Variants in SUMF1 observed in about 807,000 individuals in gnomAD.
SUMF1 encodes sulfatase modifying factor 1.
A neutral mutation model predicts 47.6 loss-of-function variants in SUMF1; 48 were observed. That is an observed-to-expected ratio of 1.01 (90% CI 0.80 to 1.28). The LOEUF (loss-of-function observed/expected upper bound fraction) is 1.28. Ranked by LOEUF, SUMF1 falls within the 50% of genes most tolerant of loss-of-function variation. The probability of loss-of-function intolerance (pLI) is 0.00; values close to 1 mark genes in which losing one functional copy is unlikely to be tolerated. For missense variants in SUMF1, 571 were observed against 485.4 expected (o/e 1.18, Z -1.66); for synonymous variants, 230 against 192.1 (o/e 1.20, Z -1.63).
intron 8 of SUMF1, among the ~76,000 whole-genome samples, chr3:4,273,179 G>A (rs1056327216): frequency 6.0e-5 from 9 of 150,792 alleles, no homozygotes; most frequent in African/African-American, 2.2e-4. Context: ...CTCCTAGATG[G>A]AAGAGAAGTA....
intron 8 of SUMF1, chr3:4,312,818 G>T (rs1268058267): frequency 8.0e-6 from 12 of 1,493,418 alleles, no homozygotes; most frequent in African/African-American, 1.4e-5. Context: ...ATTAGAATGG[G>T]TCCCAGTCAG....
rs2633854 is a variant in SUMF1, at chr3:4,362,949, G to C, written c.1015-695C>G. ...AAAAAAAACAGTTAAAATGAAAAAG[G>C]CAGAATATAAAGGTGTATATGTGGT... On this transcript the variant is annotated intron_variant, in intron 8 of 8. Transcript: ENST00000272902. Among the ~76,000 whole-genome samples, 3 of 152,008 alleles carry C rather than the reference G, an allele frequency of 2.0e-5. No individual in the cohort carries two copies. In the East Asian group the frequency reaches 5.8e-4, roughly 29 times the overall value.
intron 8 of SUMF1, among the ~76,000 whole-genome samples, chr3:4,104,076 C>T (rs1310787395): frequency 1.3e-5 from 2 of 152,094 alleles, no homozygotes; most frequent in African/African-American, 2.4e-5. Context: ...TTTTCTGTGT[C>T]CCCACCCAAA....
In SUMF1 at chr3:4,398,246, G is replaced by A. The variant is rs1391150048; in HGVS notation, c.954+12619C>T. Among the ~76,000 whole-genome samples, 4 of 152,166 alleles carry A rather than the reference G, an allele frequency of 2.6e-5. No individual in the cohort carries two copies. The South Asian group carries it at 8.3e-4, about 32-fold the overall frequency. On this transcript the variant is annotated intron_variant, in intron 7 of 8. Coordinates refer to ENST00000272902, the MANE Select transcript of SUMF1 (RefSeq NM_182760.4). ...GCAAGCTCCTTAAGAAAAGAGGATT[G>A]TGTCTGTTAGATTCCCAGAACCCAG...
chr3:4,235,728 G>C (rs1042492647), intron 8 of SUMF1, among the ~76,000 whole-genome samples: 1 of 151,908 alleles, frequency 6.6e-6, no homozygotes, highest in Non-Finnish European at 1.5e-5. Flanking sequence ...TGGAAGGTTG[G>C]GACAAGGAGT....
At chr3:4,076,072 G>A (rs543414001) in intron 8 of SUMF1, among the ~76,000 whole-genome samples, 1 of 152,160 alleles carries the variant, frequency 6.6e-6, no homozygotes, top group Admixed American at 6.5e-5. Flanking sequence ...GAGGCATCAT[G>A]CTACCTGACT....
intron 8 of SUMF1, among the ~76,000 whole-genome samples, chr3:4,100,145 C>T (rs969272486): frequency 6.6e-6 from 1 of 151,104 alleles, no homozygotes; most frequent in Non-Finnish European, 1.5e-5. Context: ...AATGCAATCC[C>T]TATCAAAATT....
chr3:4,375,798 T>C (rs143289508), intron 8 of SUMF1, among the ~76,000 whole-genome samples: 2 of 152,284 alleles, frequency 1.3e-5, no homozygotes, highest in African/African-American at 4.8e-5. Context: ...CTCTAACTGA[T>C]GAAGAAAGCC....
chr3:4,267,681 ATG>A (rs1334530954), intron 8 of SUMF1, among the ~76,000 whole-genome samples: 2 of 151,620 alleles, frequency 1.3e-5, no homozygotes, highest in African/African-American at 2.4e-5. Flanking sequence ...CAAAACCACA[ATG>A]AGATATCATC....
intron 9 of SUMF1, among the ~76,000 whole-genome samples, chr3:4,046,849 C>A (rs746214588): frequency 1.2e-3 from 189 of 152,014 alleles, no homozygotes; most frequent in Middle Eastern, 3.4e-3. Context: ...AATCACTAAT[C>A]CAGTTTTGTC....
rs950419043 is a variant in SUMF1, at chr3:4,151,349, T to C, written c.1015-82604A>G. On this transcript the variant is annotated intron_variant and NMD_transcript_variant, in intron 8 of 12. Transcript: ENST00000448413. ...ACAGGGAAGAAGAAAAACATAAATA[T>C]ACATACACAATATATATATATACAT... Among the ~76,000 whole-genome samples, 6 of 147,612 alleles carry C rather than the reference T, an allele frequency of 4.1e-5. 1 individual carries two copies. The highest frequency in any genetic ancestry group is 1.5e-4 in the African/African-American group (6 of 39,716).
chr3:4,288,082 A>T (rs944201435), intron 8 of SUMF1, among the ~76,000 whole-genome samples: 2 of 152,150 alleles, frequency 1.3e-5, no homozygotes, highest in African/African-American at 4.8e-5. Context: ...GGCACCTGCT[A>T]TCTGCAATCT....
chr3:4,068,603 C>T (rs913068948), exon 9 of SUMF1: 6 of 407,658 alleles, frequency 1.5e-5, no homozygotes, highest in South Asian at 9.1e-5. Context: ...ACATGTCAAA[C>T]GTTCAATAGC....
At chr3:4,047,167 C>A (rs2125021007) in intron 9 of SUMF1, among the ~76,000 whole-genome samples, 1 of 152,270 alleles carries the variant, frequency 6.6e-6, no homozygotes, top group African/African-American at 2.4e-5. Flanking sequence ...TTCCAAGAGA[C>A]ATCCTTTGAC....
chr3:4,075,841 A>T (rs1000042118), intron 8 of SUMF1, among the ~76,000 whole-genome samples: 1 of 152,180 alleles, frequency 6.6e-6, no homozygotes, highest in South Asian at 2.1e-4. Context: ...ATAAAAGAGG[A>T]CACAAACAAA....
chr3:4,432,259 C>T (rs1173666490), intron 3 of SUMF1, among the ~76,000 whole-genome samples: 1 of 151,340 alleles, frequency 6.6e-6, no homozygotes, highest in Non-Finnish European at 1.5e-5. Flanking sequence ...CCTGTCTTTT[C>T]TTTTCTCTCT....
At position 4,361,880 on chromosome 3, in the gene SUMF1, G is replaced by A. The variant is rs1250987937; in HGVS notation, c.*264C>T. 2.9e-5 allele frequency: 13 copies of A among 452,036 alleles called. No individual in the cohort carries two copies. Among genetic ancestry groups the A allele is most frequent in the Non-Finnish European group, 5.3e-5 (13 of 243,626 alleles). 28.0% of individuals were successfully genotyped at this position (452,036 alleles called of 1,614,324 possible). Reference sequence around the variant, plus strand: ...CGGGCCTCCTGAAGCCTAGCTCAGGGTTCCCTCCACTCCCCTTCCTCTTTA... The same window carrying A: ...CGGGCCTCCTGAAGCCTAGCTCAGGATTCCCTCCACTCCCCTTCCTCTTTA... On this transcript the variant is annotated 3_prime_UTR_variant, in exon 9 of 9. Coordinates refer to ENST00000272902, the MANE Select transcript of SUMF1 (RefSeq NM_182760.4).
At chr3:4,205,644 CA>C (rs999778079) in intron 8 of SUMF1, among the ~76,000 whole-genome samples, 23 of 152,210 alleles carry the variant, frequency 1.5e-4, no homozygotes, top group African/African-American at 5.3e-4. Flanking sequence ...GCTTTGGGGG[CA>C]ACCCAAGTCC....
In SUMF1 at chr3:4,313,498, G is replaced by C. The variant is rs746621311; in HGVS notation, c.1014+62832C>G. 66 of 1,613,780 alleles carry C rather than the reference G, an allele frequency of 4.1e-5. No homozygotes were observed. In the South Asian group the frequency reaches 7.0e-4, roughly 17 times the overall value. ...GGCACTTTTTGCAGCCAAAGATATT[G>C]TGCCAGAAGAAGAACTCTCTTATGA... On this transcript the variant is annotated intron_variant and NMD_transcript_variant, in intron 8 of 12. Coordinates refer to the SUMF1 transcript ENST00000448413.
Sources: gnomAD v4.1 joint callset for allele counts (sites outside exome capture counted in the v4.1 genomes callset) on GRCh38, gnomAD v4.1.1 for gene constraint, MANE v1.5 for transcripts, NCBI Gene and HGNC (gene_info 2026-07-23, HGNC 2026-07-21) for gene names.